The following FNDC3B variants were observed in gnomAD, a reference collection of about 807,000 sequenced individuals.
FNDC3B encodes fibronectin type III domain containing 3B.
In FNDC3B, 12 loss-of-function variants were observed where a neutral mutation model predicts 151.5. The observed-to-expected ratio is 0.08, with a 90% CI of 0.05 to 0.13. FNDC3B has a LOEUF of 0.13. FNDC3B is among the 10% of genes least tolerant of loss of function. The pLI is 1.00. For synonymous variants in FNDC3B, 528 were observed against 549.0 expected (o/e 0.96, Z 0.54); for missense variants, 1,214 against 1,505.3 (o/e 0.81, Z 3.20).
chr3:172,114,228 G>A (rs998769741), intron 2 of FNDC3B, among the ~76,000 whole-genome samples: 3 of 152,086 alleles, frequency 2.0e-5, no homozygotes, highest in African/African-American at 7.2e-5. Context: ...TGCTCACTGT[G>A]CTCAAGTAGT....
At chr3:172,098,819 T>C (rs1450329799) in intron 1 of FNDC3B, among the ~76,000 whole-genome samples, 17 of 152,200 alleles carry the variant, frequency 1.1e-4, no homozygotes, top group Admixed American at 9.8e-4. Context: ...ATGGCATTTA[T>C]AGTGGTCCAC....
chr3:172,107,377 GT>G (rs202134236), intron 1 of FNDC3B, among the ~76,000 whole-genome samples: 4 of 151,098 alleles, frequency 2.6e-5, no homozygotes, highest in African/African-American at 7.3e-5. Context: ...TCTACTTTCT[GT>G]TTTTTTTTCT....
chr3:172,139,905 C>T (rs1721537737), intron 3 of FNDC3B, among the ~76,000 whole-genome samples: 1 of 152,102 alleles, frequency 6.6e-6, no homozygotes, highest in Non-Finnish European at 1.5e-5. Context: ...AAGTGATCTT[C>T]CCACCTTGGC....
At chr3:172,214,259 G>A (rs905716296) in intron 3 of FNDC3B, among the ~76,000 whole-genome samples, 1 of 152,154 alleles carries the variant, frequency 6.6e-6, no homozygotes, top group African/African-American at 2.4e-5. Context: ...CAACAGGCTG[G>A]TCTGTAAGAA....
At chr3:172,159,467 G>A (rs767348164) in intron 3 of FNDC3B, among the ~76,000 whole-genome samples, 9 of 152,126 alleles carry the variant, frequency 5.9e-5, no homozygotes, top group Non-Finnish European at 1.0e-4. Flanking sequence ...GAGATATTTA[G>A]GTAAATAAGG....
Position 172,300,502 on chromosome 3 carries a change from A to C in FNDC3B, c.1061+1715A>C, listed in dbSNP as rs375515702. On this transcript the variant is annotated intron_variant, in intron 9 of 25. Transcript: ENST00000415807. ...ACCCTTATTACAAAGGGTAAATTTG[A>C]GAACACTTGCTCATCAGCTATTTTT... is the stretch of plus-strand genomic sequence containing the variant. Among the ~76,000 whole-genome samples the C allele has an allele frequency of 1.2e-4, 18 of 152,154 alleles. No individual in the cohort carries two copies. The South Asian group carries it at 3.7e-3, about 32-fold the overall frequency.
intron 22 of FNDC3B, among the ~76,000 whole-genome samples, chr3:172,357,311 G>T (rs1576942844): frequency 1.3e-5 from 2 of 152,154 alleles, no homozygotes; most frequent in Non-Finnish European, 2.9e-5. Flanking sequence ...TACTTCCCTT[G>T]TACTTAATTT....
intron 4 of FNDC3B, among the ~76,000 whole-genome samples, chr3:172,228,593 A>C (rs543145059): frequency 6.6e-6 from 1 of 152,230 alleles, no homozygotes; most frequent in Non-Finnish European, 1.5e-5. Flanking sequence ...ACTTCTGTAG[A>C]AAATCCAAAT....
At chr3:172,327,447 C>A (rs1490192325) in intron 11 of FNDC3B, among the ~76,000 whole-genome samples, 1 of 152,190 alleles carries the variant, frequency 6.6e-6, no homozygotes, top group Admixed American at 6.5e-5. Context: ...GTCGCCCACA[C>A]TGGAGTGCAG....
intron 3 of FNDC3B, among the ~76,000 whole-genome samples, chr3:172,155,245 A>G (rs1722424769): frequency 6.6e-6 from 1 of 152,216 alleles, no homozygotes; most frequent in Non-Finnish European, 1.5e-5. Flanking sequence ...TTTAAGCTTC[A>G]GTAAGTCCCT....
chr3:172,226,390 T>G (rs1192413939), intron 3 of FNDC3B, among the ~76,000 whole-genome samples: 1 of 152,118 alleles, frequency 6.6e-6, no homozygotes, highest in Non-Finnish European at 1.5e-5. Context: ...TATTTCAAAT[T>G]ATGGCATATT....
intron 3 of FNDC3B, among the ~76,000 whole-genome samples, chr3:172,196,033 T>C (rs1440096395): frequency 1.3e-5 from 2 of 152,210 alleles, no homozygotes; most frequent in Non-Finnish European, 2.9e-5. Flanking sequence ...TTAATTATTA[T>C]AGAGGACACT....
intron 1 of FNDC3B, among the ~76,000 whole-genome samples, chr3:172,102,202 A>T (rs922153035): frequency 6.6e-6 from 1 of 152,144 alleles, no homozygotes; most frequent in Non-Finnish European, 1.5e-5. Context: ...TGGGAAAATT[A>T]TTTCTTTAGC....
chr3:172,286,098 A>T (rs1343098938), intron 7 of FNDC3B, 114 bp downstream of exon 7: 2 of 717,242 alleles, frequency 2.8e-6, no homozygotes, highest in Non-Finnish European at 4.8e-6. Context: ...CCCTTTGCAG[A>T]TTACTCATCA....
intron 3 of FNDC3B, among the ~76,000 whole-genome samples, chr3:172,199,099 G>A (rs1724994477): frequency 1.3e-5 from 2 of 152,162 alleles, no homozygotes; most frequent in East Asian, 3.9e-4. Flanking sequence ...AAAGTGCTGG[G>A]ATTATAGGTG....
chr3:172,208,395 C>G (rs1725537524), intron 3 of FNDC3B, among the ~76,000 whole-genome samples: 1 of 152,136 alleles, frequency 6.6e-6, no homozygotes, highest in Non-Finnish European at 1.5e-5. Flanking sequence ...TTGAGCCCTT[C>G]TCATATAGCC....
At chr3:172,316,462 T>C (rs1433798256) in intron 11 of FNDC3B, 3 of 456,016 alleles carry the variant, frequency 6.6e-6, no homozygotes, top group Non-Finnish European at 1.3e-5. Flanking sequence ...TTCATAAATG[T>C]CTGCCCAGTC....
At chr3:172,335,437 A>G (rs887704319) in intron 15 of FNDC3B, 1 of 160,064 alleles carries the variant, frequency 6.2e-6, no homozygotes, top group Non-Finnish European at 1.4e-5. Flanking sequence ...TTCATTCTTC[A>G]ATAGTTCATC....
intron 1 of FNDC3B, among the ~76,000 whole-genome samples, chr3:172,090,003 G>C (rs1022782632): frequency 6.6e-6 from 1 of 152,162 alleles, no homozygotes; most frequent in African/African-American, 2.4e-5. Context: ...TATATGAGTT[G>C]AACAGTTGTG....
Sources: gnomAD v4.1 joint callset for allele counts (sites outside exome capture counted in the v4.1 genomes callset) on GRCh38, gnomAD v4.1.1 for gene constraint, MANE v1.5 for transcripts, NCBI Gene and HGNC (gene_info 2026-07-23, HGNC 2026-07-21) for gene names.